PAMR1: variants seen among roughly 807,000 people sequenced by gnomAD.
PAMR1 encodes peptidase domain containing associated with muscle regeneration 1, also known as inactive serine protease PAMR1.
In PAMR1, 88 loss-of-function variants were observed where a neutral mutation model predicts 81.8. That is an observed-to-expected ratio of 1.08 (90% CI 0.91 to 1.28). The LOEUF (loss-of-function observed/expected upper bound fraction) is 1.28, where lower values mean the gene tolerates loss of function less well. Ranked by LOEUF, PAMR1 falls within the 50% of genes most tolerant of loss-of-function variation. The probability of loss-of-function intolerance (pLI) is 0.00; values close to 1 mark genes in which losing one functional copy is unlikely to be tolerated. For synonymous variants in PAMR1, 336 were observed against 345.3 expected (o/e 0.97, Z 0.30); for missense variants, 935 against 919.7 (o/e 1.02, Z -0.21).
At chr11:35,480,751 T>C (rs186927495) in intron 3 of PAMR1, among the ~76,000 whole-genome samples, 2 of 152,338 alleles carry the variant, frequency 1.3e-5, no homozygotes, top group African/African-American at 4.8e-5. Flanking sequence ...GTTTGTTACA[T>C]AGGAATACAC....
chr11:35,497,285 G>T (rs1365188607), intron 1 of PAMR1, among the ~76,000 whole-genome samples: 2 of 152,158 alleles, frequency 1.3e-5, no homozygotes, highest in Non-Finnish European at 2.9e-5. Context: ...CAATGTAAAT[G>T]AACCTTGAAA....
chr11:35,500,033 G>A (rs1850801766), intron 1 of PAMR1, among the ~76,000 whole-genome samples: 1 of 152,224 alleles, frequency 6.6e-6, no homozygotes, highest in Admixed American at 6.5e-5. Context: ...AAGGAGGCAG[G>A]CAGGCAACCT....
At position 35,441,545 on chromosome 11, in the gene PAMR1, G is replaced by T. The variant is rs2135342318; in HGVS notation, c.969C>A (p.Gly323=). The T allele has an allele frequency of 2.5e-6, 4 of 1,613,800 alleles. No individual in the cohort carries two copies. The East Asian group carries it at 8.9e-5, about 36-fold the overall frequency. ...TCTGCTGGCAAGTTCTTTTCTCATT[G>T]CCACTAAGAACATAGGAGTTGTTAC... is the stretch of plus-strand genomic sequence containing the variant. The part of the protein sequence containing the change: ...FFCNNSYVLS[G]NEKRTCQQNG... Residue 323 remains glycine, a synonymous_variant, in exon 7 of 11, where the codon GGC becomes GGA. Coordinates refer to ENST00000619888, the MANE Select transcript of PAMR1 (RefSeq NM_001001991.3).
intron 3 of PAMR1, among the ~76,000 whole-genome samples, chr11:35,475,531 T>G (rs1850269848): frequency 6.6e-6 from 1 of 152,234 alleles, no homozygotes; most frequent in Non-Finnish European, 1.5e-5. Context: ...GTCTTTAAAT[T>G]AGATCATGTT....
At chr11:35,447,020 T>C (rs540028853) in intron 6 of PAMR1, among the ~76,000 whole-genome samples, 1 of 152,204 alleles carries the variant, frequency 6.6e-6, no homozygotes, top group Non-Finnish European at 1.5e-5. Context: ...TGTTCCTGTA[T>C]TGGGTGCATA....
chr11:35,469,932 T>C (rs1856820740), intron 5 of PAMR1, among the ~76,000 whole-genome samples: 2 of 152,198 alleles, frequency 1.3e-5, no homozygotes, highest in African/African-American at 4.8e-5. Flanking sequence ...CAAATCCTAC[T>C]TCCTAATATG....
At chr11:35,459,327 C>G (rs569383351) in intron 6 of PAMR1, among the ~76,000 whole-genome samples, 2 of 152,290 alleles carry the variant, frequency 1.3e-5, no homozygotes, top group African/African-American at 4.8e-5. Flanking sequence ...ATTTCTTCTT[C>G]AAAATCAACC....
intron 6 of PAMR1, among the ~76,000 whole-genome samples, chr11:35,448,274 T>G (rs1856338149): frequency 6.6e-6 from 1 of 152,212 alleles, no homozygotes; most frequent in Non-Finnish European, 1.5e-5. Flanking sequence ...CTCTTTCAGG[T>G]ACCCCAATCA....
At chr11:35,481,267 T>C (rs889679539) in intron 3 of PAMR1, among the ~76,000 whole-genome samples, 4 of 152,210 alleles carry the variant, frequency 2.6e-5, no homozygotes, top group African/African-American at 9.6e-5. Context: ...TCTAGATCCT[T>C]GAGGAATCAC....
intron 1 of PAMR1, among the ~76,000 whole-genome samples, chr11:35,506,023 G>T (rs575530685): frequency 1.5e-3 from 225 of 150,590 alleles, no homozygotes; most frequent in African/African-American, 5.4e-3. Context: ...ATCTATTACA[G>T]ATTTTTTTTC....
At chr11:35,462,343 G>A (rs950951449) in intron 6 of PAMR1, among the ~76,000 whole-genome samples, 2 of 152,108 alleles carry the variant, frequency 1.3e-5, no homozygotes, top group African/African-American at 4.8e-5. Context: ...TCTTTTCCTG[G>A]GATTCAGTAT....
chr11:35,522,013 C>A (rs1337710981), intron 1 of PAMR1, among the ~76,000 whole-genome samples: 1 of 152,024 alleles, frequency 6.6e-6, no homozygotes, highest in Non-Finnish European at 1.5e-5. Flanking sequence ...AGCTCCACCT[C>A]CCAGGTTCAC....
intron 6 of PAMR1, among the ~76,000 whole-genome samples, chr11:35,465,552 G>A (rs1282176682): frequency 6.6e-6 from 1 of 152,180 alleles, no homozygotes; most frequent in Non-Finnish European, 1.5e-5. Context: ...AACTGCCATA[G>A]CCATTTTTTG....
At chr11:35,438,945 C>T (rs1162389550) in intron 8 of PAMR1, among the ~76,000 whole-genome samples, 1 of 152,188 alleles carries the variant, frequency 6.6e-6, no homozygotes, top group Non-Finnish European at 1.5e-5. Context: ...CTTGTGGAAG[C>T]AGGCTCCAGA....
At chr11:35,523,979 C>T (rs1011898397) in intron 1 of PAMR1, among the ~76,000 whole-genome samples, 3 of 152,060 alleles carry the variant, frequency 2.0e-5, no homozygotes, top group Admixed American at 6.5e-5. Flanking sequence ...GGCTTTGAAG[C>T]GCCTCACCTG....
intron 6 of PAMR1, among the ~76,000 whole-genome samples, chr11:35,447,204 T>TC (rs1856312487): frequency 7.2e-6 from 1 of 138,420 alleles, no homozygotes; most frequent in Admixed American, 7.0e-5. Context: ...CTCCATCCCT[T>TC]TTTTTTTTTT....
intron 3 of PAMR1, among the ~76,000 whole-genome samples, chr11:35,490,331 C>G (rs1850595966): frequency 6.6e-6 from 1 of 152,164 alleles, no homozygotes; most frequent in African/African-American, 2.4e-5. Flanking sequence ...CACTCCAACC[C>G]CATCAAATCC....
chr11:35,480,489 G>A (rs1230712460), intron 3 of PAMR1, among the ~76,000 whole-genome samples: 1 of 152,138 alleles, frequency 6.6e-6, no homozygotes, highest in Non-Finnish European at 1.5e-5. Flanking sequence ...CTATTGAACT[G>A]TCTTTAAGTT....
At chr11:35,507,039 C>CT (rs71044524) in intron 1 of PAMR1, among the ~76,000 whole-genome samples, 3,245 of 86,272 alleles carry the variant, frequency 0.038, 441 homozygotes, top group African/African-American at 0.073. Context: ...AATAGCCTGA[C>CT]TTTTTTTTTT....
Sources: gnomAD v4.1 joint callset for allele counts (sites outside exome capture counted in the v4.1 genomes callset) on GRCh38, gnomAD v4.1.1 for gene constraint, MANE v1.5 for transcripts, NCBI Gene and HGNC (gene_info 2026-07-23, HGNC 2026-07-21) for gene names.